LIPT1: variants seen among roughly 807,000 people sequenced by gnomAD.
The protein encoded by LIPT1 is lipoyltransferase 1, also known as lipoyl amidotransferase LIPT1, mitochondrial.
A neutral mutation model predicts 25.1 loss-of-function variants in LIPT1; 22 were observed. The ratio of observed to expected loss-of-function variants is 0.88; its 90% CI spans 0.63 to 1.25. The LOEUF is 1.25. LIPT1 is among the 50% of genes most tolerant of loss of function. The pLI, the probability that LIPT1 is intolerant of heterozygous loss-of-function variation, is 0.00. For synonymous variants in LIPT1, 131 were observed against 150.8 expected, an observed-to-expected ratio of 0.87 and a Z score of 0.96; for missense variants, 399 against 432.8, an observed-to-expected ratio of 0.92 and a Z score of 0.69.
intron 1 of LIPT1, among the ~76,000 whole-genome samples, chr2:99,156,121 C>A (rs982886390): frequency 1.3e-5 from 2 of 152,218 alleles, no homozygotes; most frequent in Non-Finnish European, 2.9e-5. Flanking sequence ...CACATCCTCA[C>A]TGAGGTCTGT....
rs2093735588 is a variant in LIPT1, at chr2:99,155,065, A to G, written c.-2+14A>G. ...CGGAAGCCGCAGGTGGGTGAAGCGGAAACGCTTCAAACCGGGATGTTGCGG... is the reference window on the plus strand; with the variant it reads ...CGGAAGCCGCAGGTGGGTGAAGCGGGAACGCTTCAAACCGGGATGTTGCGG... On this transcript the variant is annotated intron_variant, in intron 1 of 1. Transcript: ENST00000651691. The G allele has an allele frequency of 2.2e-6, 1 of 455,438 alleles. No individual in the cohort carries two copies. Among genetic ancestry groups the G allele is most frequent in the South Asian group, 1.6e-5 (1 of 64,506 alleles). The allele number at this position is 455,438 out of a possible 1,614,324, so 28.2% of individuals were successfully genotyped here. A position where few individuals can be genotyped will look rare whatever the true frequency, so the allele number is the denominator to read the frequency against.
At chr2:99,160,239 C>G (rs1157019653) in intron 1 of LIPT1, among the ~76,000 whole-genome samples, 1 of 152,094 alleles carries the variant, frequency 6.6e-6, no homozygotes, top group African/African-American at 2.4e-5. Flanking sequence ...AGACCCCCAT[C>G]TCTACAAAAA....
intron 1 of LIPT1, among the ~76,000 whole-genome samples, chr2:99,157,880 A>T (rs1303276467): frequency 4.6e-5 from 7 of 152,224 alleles, no homozygotes; most frequent in Admixed American, 3.3e-4. Context: ...TGAACCAATT[A>T]TCTTAACCCC....
rs1042877842 is a variant in LIPT1 at position 99,155,025 on chromosome 2, G to A, written c.-28G>A. 2.2e-6 allele frequency: 1 copy of A among 456,074 alleles called. No individual in the cohort carries two copies. Among genetic ancestry groups the A allele is most frequent in the Non-Finnish European group, 4.4e-6 (1 of 226,802 alleles). The allele number at this position is 456,074 out of a possible 1,614,324, so 28.3% of individuals were successfully genotyped here. A position where few individuals can be genotyped will look rare whatever the true frequency, so the allele number is the denominator to read the frequency against. On this transcript the variant is annotated 5_prime_UTR_variant, in exon 1 of 2. Transcript: ENST00000651691. ...ACTTTTCCAGCTCGAGCCCTCACGA[G>A]GCCGTGGGTACGACCGGAAGCCGCA... is the stretch of plus-strand genomic sequence containing the variant.
chr2:99,162,280 A>G lies in LIPT1; in HGVS notation c.323A>G (p.His108Arg), dbSNP rs1212695584. ...AGAAGTGGAGGAGGAACAGTCTACC[A>G]TGATATGGGTAATATCAATTTGACT... ...RRRSGGGTVY[H>R]DMGNINLTFF... is the part of the protein sequence containing the mutation. Residue 108 changes from histidine to arginine, a missense_variant, in exon 2 of 2, where the codon CAT becomes CGT. Physicochemically the swap from His to Arg is conservative, Grantham distance 29. Coordinates refer to ENST00000651691, the MANE Select transcript of LIPT1 (RefSeq NM_145199.3). 5 of 1,612,378 alleles carry G rather than the reference A, an allele frequency of 3.1e-6. No individual in the cohort carries two copies. The highest frequency in any genetic ancestry group is 3.3e-5 in the Admixed American group (2 of 60,024).
Position 99,162,553 on chromosome 2 carries a change from G to A in LIPT1, c.596G>A (p.Gly199Glu). Residue 199 changes from glycine to glutamate, a missense_variant, in exon 2 of 2, where the codon GGG becomes GAG. Gly to Glu is a moderately conservative substitution (Grantham distance 98). Coordinates refer to ENST00000651691, the MANE Select transcript of LIPT1 (RefSeq NM_145199.3). ...LSSLLKSPYQ[G>E]IRSNATASIP... is the part of the protein sequence containing the mutation. Reference sequence around the variant, plus strand: ...TCTTTGCTAAAGAGCCCTTACCAAGGGATCAGGAGCAATGCCACTGCTAGC... The same window carrying A: ...TCTTTGCTAAAGAGCCCTTACCAAGAGATCAGGAGCAATGCCACTGCTAGC... 3 of 1,614,112 alleles carry A rather than the reference G, an allele frequency of 1.9e-6. No homozygotes were observed. The highest frequency in any genetic ancestry group is 2.5e-6 in the Non-Finnish European group (3 of 1,180,034).
At chr2:99,155,442 C>T (rs1034227692) in intron 1 of LIPT1, 2 of 454,958 alleles carry the variant, frequency 4.4e-6, no homozygotes, top group Non-Finnish European at 8.8e-6. Flanking sequence ...GCTGCGCCTG[C>T]CTAGAAAGAT....
At chr2:99,159,903 A>T (rs2093775529) in intron 1 of LIPT1, among the ~76,000 whole-genome samples, 1 of 152,212 alleles carries the variant, frequency 6.6e-6, no homozygotes, top group African/African-American at 2.4e-5. Context: ...GTCTTTGCAT[A>T]TGCCTGGAAT....
intron 1 of LIPT1, among the ~76,000 whole-genome samples, chr2:99,158,858 C>G (rs1349310017): frequency 2.0e-5 from 3 of 152,192 alleles, no homozygotes; most frequent in African/African-American, 7.2e-5. Flanking sequence ...TATTGCCTTA[C>G]TTGTTTTTTA....
In LIPT1 at chr2:99,162,790, A is replaced by C. The variant is rs1411573217; in HGVS notation, c.833A>C (p.Lys278Thr). ...TWEWIYGKTPKFSINTSFHVL... is the reference protein window; with the variant it reads ...TWEWIYGKTPTFSINTSFHVL... ...GAGTGGATATATGGCAAAACTCCAA[A>C]GTTTAGTATAAATACTTCCTTTCAT... Residue 278 changes from lysine to threonine, a missense_variant, in exon 2 of 2, where the codon AAG (lysine) becomes ACG (threonine). By Grantham distance (78) the Lys-to-Thr change is moderately conservative. Coordinates refer to ENST00000651691, the MANE Select transcript of LIPT1 (RefSeq NM_145199.3). The C allele has an allele frequency of 6.2e-7, 1 of 1,614,204 alleles. No individual in the cohort carries two copies. Among genetic ancestry groups the C allele is most frequent in the East Asian group, 2.2e-5 (1 of 44,888 alleles).
chr2:99,163,056 G>GA lies in LIPT1; in HGVS notation c.1105dup (p.Ile369AsnfsTer2), dbSNP rs754457101. The GA allele has an allele frequency of 6.4e-7, 1 of 1,553,712 alleles. No homozygotes were observed. Among genetic ancestry groups the GA allele is most frequent in the South Asian group, 1.2e-5 (1 of 81,854 alleles). The stretch of plus-strand genomic sequence containing the variant: ...AAACAGTAAATGGAATATTCTCTGT[G>GA]AAAAAATTAAGGGAATAATGTGATT... On this transcript the variant is annotated frameshift_variant, in exon 2 of 2. Transcript: ENST00000651691. LOFTEE classifies it high-confidence loss of function.
At position 99,162,257 on chromosome 2, in the gene LIPT1, A is replaced by T. The variant is rs749692463; in HGVS notation, c.300A>T (p.Arg100Ser). 1.9e-6 allele frequency: 3 copies of T among 1,613,486 alleles called. No individual in the cohort carries two copies. The South Asian group carries it at 3.3e-5, about 18-fold the overall frequency. ...AAGGTATAAAACTGGCTCGGAGAAG[A>T]AGTGGAGGAGGAACAGTCTACCATG... ...REEGIKLARRRSGGGTVYHDM... is the reference protein window; with the variant it reads ...REEGIKLARRSSGGGTVYHDM... The change falls in exon 2 of 2, where the codon AGA (arginine) becomes AGT (serine). Residue 100 changes from arginine (R) to serine (S), a missense_variant. Transcript: ENST00000651691.
At position 99,163,059 on chromosome 2, in the gene LIPT1, A is replaced by G; in HGVS notation, c.1102A>G (p.Lys368Glu). The stretch of plus-strand genomic sequence containing the variant: ...CAGTAAATGGAATATTCTCTGTGAA[A>G]AAATTAAGGGAATAATGTGATTCCA... The part of the protein sequence containing the change: ...LNSKWNILCE[K>E]IKGIM Residue 368 changes from lysine (K) to glutamate (E), a missense_variant, in exon 2 of 2, where the codon AAA becomes GAA. Transcript: ENST00000651691. 2 of 1,557,672 alleles carry G rather than the reference A, an allele frequency of 1.3e-6. No homozygotes were observed. The highest frequency in any genetic ancestry group is 1.7e-6 in the Non-Finnish European group (2 of 1,154,268).
At chr2:99,155,498 C>T in intron 1 of LIPT1, 1 of 455,966 alleles carries the variant, frequency 2.2e-6, no homozygotes, top group Non-Finnish European at 4.4e-6. Context: ...GATGGGGAGC[C>T]GTGTTTGGCA....
At chr2:99,161,162 G>A (rs918091543) in intron 1 of LIPT1, among the ~76,000 whole-genome samples, 2 of 146,068 alleles carry the variant, frequency 1.4e-5, no homozygotes, top group Non-Finnish European at 3.0e-5. Context: ...TGAGGTAGGA[G>A]AATCGCCTGA....
At chr2:99,155,563 G>T (rs1280107649) in intron 1 of LIPT1, 1 of 455,168 alleles carries the variant, frequency 2.2e-6, no homozygotes, top group South Asian at 1.6e-5. Flanking sequence ...GTCTTCCGAG[G>T]AAAAACTTCA....
intron 1 of LIPT1, chr2:99,161,659 G>A: frequency 4.7e-6 from 1 of 214,248 alleles, no homozygotes; most frequent in South Asian, 8.9e-5. Flanking sequence ...GCAACATGGT[G>A]AAATCCTGTC....
chr2:99,163,020 G>T lies in LIPT1; in HGVS notation c.1063G>T (p.Asp355Tyr). 2 of 1,601,592 alleles carry T rather than the reference G, an allele frequency of 1.2e-6. No homozygotes were observed. Among genetic ancestry groups the T allele is most frequent in the South Asian group, 2.3e-5 (2 of 88,818 alleles). The change falls in exon 2 of 2, where the codon GAC becomes TAC. Residue 355 changes from aspartate (D) to tyrosine (Y), a missense_variant. Physicochemically the swap from Asp to Tyr is radical, Grantham distance 160. Coordinates refer to ENST00000651691, the MANE Select transcript of LIPT1 (RefSeq NM_145199.3). ...TNILLRTCPQ[D>Y]HKLNSKWNIL... ...TATATTACTTAGAACATGTCCACAAGACCACAAACTAAACAGTAAATGGAA... is the reference window on the plus strand; with the variant it reads ...TATATTACTTAGAACATGTCCACAATACCACAAACTAAACAGTAAATGGAA...
At chr2:99,156,046 C>T (rs2093749042) in intron 1 of LIPT1, among the ~76,000 whole-genome samples, 1 of 152,154 alleles carries the variant, frequency 6.6e-6, no homozygotes, top group South Asian at 2.1e-4. Flanking sequence ...TTGGACATCC[C>T]TTTGTTTTCA....
Sources: allele counts gnomAD v4.1 joint callset (sites outside exome capture counted in the v4.1 genomes callset), GRCh38; gene constraint gnomAD v4.1.1; transcripts MANE v1.5; gene names NCBI Gene and HGNC (gene_info 2026-07-23, HGNC 2026-07-21).